The following NWD1 variants were observed in gnomAD, a reference collection of about 807,000 sequenced individuals.
The protein encoded by NWD1 is NACHT domain- and WD repeat-containing protein 1.
A neutral mutation model predicts 135.1 loss-of-function variants in NWD1; 129 were observed. The observed-to-expected ratio is 0.96, with a 90% CI of 0.83 to 1.11. NWD1 has a LOEUF of 1.11. Among genes scored for constraint, NWD1 ranks in the 50% least tolerant of loss-of-function variants. NWD1 has a pLI of 0.00. For synonymous variants in NWD1, 773 were observed against 786.0 expected, an observed-to-expected ratio of 0.98 and a Z score of 0.28; for missense variants, 1,740 against 1,851.3, an observed-to-expected ratio of 0.94 and a Z score of 1.10.
At chr19:16,738,143 G>A (rs1194535456) in intron 4 of NWD1, 2 of 412,156 alleles carry the variant, frequency 4.9e-6, no homozygotes, top group Admixed American at 2.7e-5. Flanking sequence ...CTGCTTTCAA[G>A]CTATAATGGC....
At chr19:16,748,271 C>G (rs920772822) in intron 5 of NWD1, among the ~76,000 whole-genome samples, 1 of 151,942 alleles carries the variant, frequency 6.6e-6, no homozygotes, top group Admixed American at 6.6e-5. Context: ...GGCATGAGAC[C>G]CCATGTCCAG....
rs539175371 is a variant in NWD1, at chr19:16,788,533, C to G, written c.2732-449C>G. Among the ~76,000 whole-genome samples the G allele has an allele frequency of 4.1e-3, 566 of 139,320 alleles. 6 individuals are homozygous for G. The highest frequency in any genetic ancestry group is 5.0e-3 in the Non-Finnish European group (333 of 66,102). The allele number at this position is 139,320 out of a possible 152,430, so 91.4% of individuals were successfully genotyped here. On this transcript the variant is annotated intron_variant, in intron 12 of 18. Transcript: ENST00000524140. ...GCAGTGAACCAAGATTGAGCCACTG[C>G]ATTCCAGCCTGGGTGACAGAGAGAG...
At chr19:16,799,809 A>G in intron 16 of NWD1, 77 bp from the exon 17 acceptor site, 1 of 1,408,262 alleles carries the variant, frequency 7.1e-7, no homozygotes. Flanking sequence ...CGCCTGGCCC[A>G]ATGGGCTGAA....
At chr19:16,723,825 A>T (rs1967227381) in intron 1 of NWD1, among the ~76,000 whole-genome samples, 1 of 151,918 alleles carries the variant, frequency 6.6e-6, no homozygotes, top group Non-Finnish European at 1.5e-5. Context: ...CCCCCCACGT[A>T]GCTGGGATTA....
chr19:16,795,882 C>T, intron 15 of NWD1, among the ~76,000 whole-genome samples: 1 of 152,144 alleles, frequency 6.6e-6, no homozygotes. Flanking sequence ...GGACAGAGGG[C>T]CACAGTGTCA....
intron 1 of NWD1, among the ~76,000 whole-genome samples, chr19:16,723,059 T>A (rs1438518665): frequency 6.6e-6 from 1 of 152,054 alleles, no homozygotes; most frequent in Non-Finnish European, 1.5e-5. Flanking sequence ...TGCCTGATCT[T>A]ATTTTATTTT....
At chr19:16,755,031 A>G (rs540292757) in intron 6 of NWD1, among the ~76,000 whole-genome samples, 4 of 152,242 alleles carry the variant, frequency 2.6e-5, no homozygotes, top group South Asian at 4.1e-4. Context: ...GTCTATACCT[A>G]TCTAACTCTA....
At position 16,740,934 on chromosome 19, in the gene NWD1, G is replaced by A. The variant is rs182435415; in HGVS notation, c.199-3487G>A. ...AGCACTTTGAGAGGCCGAGGCAGGC[G>A]GATCACTTGAGGTCAGGAATTCAAG... On this transcript the variant is annotated intron_variant, in intron 4 of 18. Coordinates refer to ENST00000524140, the MANE Select transcript of NWD1 (RefSeq NM_001007525.5). 1.5e-3 allele frequency among the ~76,000 whole-genome samples: 235 copies of A among 152,148 alleles called. 3 individuals carry two copies. In the East Asian group the frequency reaches 0.031, roughly 20 times the overall value.
intron 15 of NWD1, among the ~76,000 whole-genome samples, chr19:16,796,890 G>A (rs1021098071): frequency 6.6e-6 from 1 of 152,036 alleles, no homozygotes; most frequent in African/African-American, 2.4e-5. Flanking sequence ...TAAGATGAGT[G>A]ATTACTGGCT....
At chr19:16,735,087 A>C (rs1293398550) in intron 3 of NWD1, among the ~76,000 whole-genome samples, 1 of 152,012 alleles carries the variant, frequency 6.6e-6, no homozygotes, top group African/African-American at 2.4e-5. Flanking sequence ...TAAACTTCTG[A>C]ATTTGGAATT....
At chr19:16,772,377 T>C (rs550731770) in intron 10 of NWD1, among the ~76,000 whole-genome samples, 79 of 151,540 alleles carry the variant, frequency 5.2e-4, no homozygotes, top group African/African-American at 1.8e-3. Flanking sequence ...AAAAAATAAA[T>C]AGCCAGGCGC....
rs1968913327 is a variant in NWD1, at chr19:16,759,209, C to G, written c.1770-16C>G. The G allele has an allele frequency of 1.2e-6, 2 of 1,608,220 alleles. No individual in the cohort carries two copies. The highest frequency in any genetic ancestry group is 2.7e-5 in the African/African-American group (2 of 74,916). ...ACATGAGATGTGCCTCAAAGCCCCACTGGTCCTCCCTTCAGACACGGTCTC... is the reference window on the plus strand; with the variant it reads ...ACATGAGATGTGCCTCAAAGCCCCAGTGGTCCTCCCTTCAGACACGGTCTC... On this transcript the variant is annotated splice_polypyrimidine_tract_variant and intron_variant, in intron 6 of 18. Coordinates refer to ENST00000524140, the MANE Select transcript of NWD1 (RefSeq NM_001007525.5).
chr19:16,797,897 A>T lies in NWD1; in HGVS notation c.3459+11A>T. The stretch of plus-strand genomic sequence containing the variant: ...GATGCGCTCATTCAGGTGAGGGGAG[A>T]TCTGGGACCCTTCATCCTCACCTCC... On this transcript the variant is annotated intron_variant, in intron 16 of 18. Coordinates refer to ENST00000524140, the MANE Select transcript of NWD1 (RefSeq NM_001007525.5). The T allele has an allele frequency of 1.2e-6, 2 of 1,606,910 alleles. No individual in the cohort carries two copies. Among genetic ancestry groups the T allele is most frequent in the East Asian group, 4.5e-5 (2 of 44,672 alleles).
Position 16,749,698 on chromosome 19 carries a change from CA to C in NWD1, c.1058del (p.Lys353SerfsTer15). 1 of 1,601,874 alleles carries C rather than the reference CA, an allele frequency of 6.2e-7. No homozygotes were observed. The highest frequency in any genetic ancestry group is 2.2e-5 in the East Asian group (1 of 44,726). ...PGIGKTALMC[K>X]LAEQMPRLLG... ...GCATTGGAAAGACAGCCCTGATGTG[CA>C]AGCTGGCTGAGCAGATGCCAAGGCT... On this transcript the variant is annotated frameshift_variant, in exon 6 of 19. Transcript: ENST00000524140. LOFTEE classifies it high-confidence loss of function.
At chr19:16,794,202 C>G (rs1970343498) in intron 14 of NWD1, among the ~76,000 whole-genome samples, 1 of 151,914 alleles carries the variant, frequency 6.6e-6, no homozygotes, top group African/African-American at 2.4e-5. Context: ...CCCATCTCTA[C>G]TAAAAATACA....
chr19:16,749,320 C>T lies in NWD1; in HGVS notation c.678C>T (p.Ser226=). ...CTGATGCCCAGAACCTTCTCAGCAG[C>T]CTCAAAAGTCACATCACTGACATGC... ...LDADAQNLLS[S]LKSHITDMHP... is the part of the protein sequence containing the mutation. Residue 226 remains serine (S), a synonymous_variant, in exon 6 of 19, where the codon AGC becomes AGT. Transcript: ENST00000524140. The T allele has an allele frequency of 1.9e-6, 3 of 1,613,942 alleles. No individual in the cohort carries two copies. Among genetic ancestry groups the T allele is most frequent in the Non-Finnish European group, 2.5e-6 (3 of 1,179,974 alleles).
intron 15 of NWD1, among the ~76,000 whole-genome samples, chr19:16,795,097 T>C (rs1419980483): frequency 6.6e-6 from 1 of 152,248 alleles, no homozygotes; most frequent in African/African-American, 2.4e-5. Context: ...TCTTTCCTTT[T>C]GATGCAGGAT....
intron 18 of NWD1, 54 bp from the exon 19 acceptor site, chr19:16,814,968 GTAGGAT>G (rs1971024186): frequency 6.6e-7 from 1 of 1,512,594 alleles, no homozygotes; most frequent in Admixed American, 1.8e-5. Context: ...TCTGGAATGT[GTAGGAT>G]TGGACCTCTA....
In NWD1 at chr19:16,773,340, T is replaced by C; in HGVS notation, c.2608+17T>C. 1 of 1,605,448 alleles carries C rather than the reference T, an allele frequency of 6.2e-7. No individual in the cohort carries two copies. Among genetic ancestry groups the C allele is most frequent in the South Asian group, 1.1e-5 (1 of 90,776 alleles). On this transcript the variant is annotated intron_variant, in intron 11 of 18. Transcript: ENST00000524140. Reference sequence around the variant, plus strand: ...GTCACAAAGGTGAGTCTCCCCAGCATAGCAAAAATCCCAGCAGGCACCTGC... The same window carrying C: ...GTCACAAAGGTGAGTCTCCCCAGCACAGCAAAAATCCCAGCAGGCACCTGC...
Sources: allele counts gnomAD v4.1 joint callset (sites outside exome capture counted in the v4.1 genomes callset), GRCh38; gene constraint gnomAD v4.1.1; transcripts MANE v1.5; gene names NCBI Gene and HGNC (gene_info 2026-07-23, HGNC 2026-07-21).